SCAI: variants seen among roughly 807,000 people sequenced by gnomAD.
SCAI encodes the protein suppressor of cancer cell invasion.
A neutral mutation model predicts 92.2 loss-of-function variants in SCAI; 24 were observed. The observed-to-expected ratio is 0.26, with a 90% CI of 0.19 to 0.37. The LOEUF (loss-of-function observed/expected upper bound fraction) is 0.37, where lower values mean the gene tolerates loss of function less well. Among genes scored for constraint, SCAI ranks in the 10% least tolerant of loss-of-function variants. The pLI is 1.00. For missense variants in SCAI, 450 were observed against 736.2 expected, an observed-to-expected ratio of 0.61 and a Z score of 4.50; for synonymous variants, 261 against 258.6, an observed-to-expected ratio of 1.01 and a Z score of -0.09.
chr9:125,100,227 CAT>C (rs1834650618), intron 2 of SCAI, among the ~76,000 whole-genome samples: 1 of 152,208 alleles, frequency 6.6e-6, no homozygotes, highest in South Asian at 2.1e-4. Flanking sequence ...CAACTTGCAA[CAT>C]ATATGTCAGA....
intron 14 of SCAI, among the ~76,000 whole-genome samples, chr9:124,978,470 C>G (rs1459095234): frequency 6.6e-6 from 1 of 152,080 alleles, no homozygotes; most frequent in Admixed American, 6.6e-5. Flanking sequence ...ATCAGTTAAG[C>G]AAAATTTCTA....
chr9:125,065,940 C>T, intron 2 of SCAI: 1 of 736,154 alleles, frequency 1.4e-6, no homozygotes, highest in South Asian at 1.6e-5. Context: ...AAGGGAGCTT[C>T]ATTAATTTTA....
In SCAI at chr9:124,944,629, T is replaced by A. The variant is rs1283178630; in HGVS notation, c.*8178A>T. The A allele has an allele frequency of 6.6e-6, 1 of 152,074 alleles. No homozygotes were observed. The highest frequency in any genetic ancestry group is 1.5e-5 in the Non-Finnish European group (1 of 68,020). The allele number at this position is 152,074 out of a possible 1,614,324, so 9.4% of individuals were successfully genotyped here. A position where few individuals can be genotyped will look rare whatever the true frequency, so the allele number is the denominator to read the frequency against. On this transcript the variant is annotated 3_prime_UTR_variant, in exon 18 of 18. Transcript: ENST00000336505. Reference sequence around the variant, plus strand: ...AATTTACCACAGTACATAGTTTTAATTTAGAAAAAAAGCAATTAGTAGCAT... The same window carrying A: ...AATTTACCACAGTACATAGTTTTAAATTAGAAAAAAAGCAATTAGTAGCAT...
intron 9 of SCAI, among the ~76,000 whole-genome samples, chr9:125,008,060 T>G (rs905706318): frequency 4.0e-5 from 6 of 150,616 alleles, no homozygotes; most frequent in African/African-American, 1.5e-4. Context: ...TTAGCCAGGA[T>G]GGTCTCGATC....
intron 14 of SCAI, among the ~76,000 whole-genome samples, chr9:124,984,674 C>T (rs905703406): frequency 6.6e-6 from 1 of 152,090 alleles, no homozygotes; most frequent in African/African-American, 2.4e-5. Context: ...TATGGAAGAG[C>T]CTAGGAATTC....
chr9:125,118,580 T>C (rs1439246174), intron 2 of SCAI, among the ~76,000 whole-genome samples: 1 of 152,230 alleles, frequency 6.6e-6, no homozygotes, highest in East Asian at 1.9e-4. Context: ...GTGTAGAATG[T>C]GCAGGTTTGT....
intron 13 of SCAI, among the ~76,000 whole-genome samples, chr9:124,997,246 C>G (rs577648651): frequency 6.6e-6 from 1 of 152,274 alleles, no homozygotes; most frequent in East Asian, 1.9e-4. Context: ...CATAGTCATG[C>G]AGGTGCACAA....
At chr9:124,965,440 G>A (rs1831521417) in intron 17 of SCAI, among the ~76,000 whole-genome samples, 1 of 152,102 alleles carries the variant, frequency 6.6e-6, no homozygotes, top group African/African-American at 2.4e-5. Context: ...TCACCATATT[G>A]GTCAGGCTGG....
chr9:124,962,790 C>A (rs1233558182), intron 17 of SCAI, among the ~76,000 whole-genome samples: 3 of 150,838 alleles, frequency 2.0e-5, no homozygotes. Context: ...ATTGTTTTTT[C>A]TTTTTCTTTC....
chr9:125,138,621 A>G (rs181192274), intron 2 of SCAI, among the ~76,000 whole-genome samples: 41 of 152,122 alleles, frequency 2.7e-4, no homozygotes, highest in East Asian at 1.2e-3. Context: ...TCACTGTGTT[A>G]GCCAGGATGG....
chr9:125,136,776 T>TG (rs1190503721), intron 2 of SCAI, among the ~76,000 whole-genome samples: 4 of 144,820 alleles, frequency 2.8e-5, no homozygotes, highest in African/African-American at 5.2e-5. Flanking sequence ...CCACTTTTTT[T>TG]TTTTTTTTTT....
At chr9:125,071,721 G>A (rs1833982441) in intron 2 of SCAI, among the ~76,000 whole-genome samples, 1 of 152,102 alleles carries the variant, frequency 6.6e-6, no homozygotes, top group African/African-American at 2.4e-5. Flanking sequence ...AAGTACTGCA[G>A]TGAAAGGGAA....
chr9:125,138,249 C>CTTTTTTTT (rs10570060), intron 2 of SCAI, among the ~76,000 whole-genome samples: 8 of 104,202 alleles, frequency 7.7e-5, no homozygotes, highest in Non-Finnish European at 1.6e-4. Flanking sequence ...ACTATTATTT[C>CTTTTTTTT]TTTTTTTTTT....
At chr9:125,014,520 T>G (rs377456636) in intron 9 of SCAI, among the ~76,000 whole-genome samples, 245 of 151,980 alleles carry the variant, frequency 1.6e-3, no homozygotes, top group African/African-American at 5.7e-3. Context: ...CACTGCTCAA[T>G]GAAATAAAAG....
chr9:125,014,388 C>G (rs904551461), intron 9 of SCAI, among the ~76,000 whole-genome samples: 3 of 152,150 alleles, frequency 2.0e-5, no homozygotes, highest in Non-Finnish European at 4.4e-5. Context: ...ACACCAATAA[C>G]AGAGAAACAG....
chr9:125,044,888 G>A (rs1833403221), intron 3 of SCAI, among the ~76,000 whole-genome samples: 1 of 152,182 alleles, frequency 6.6e-6, no homozygotes, highest in Non-Finnish European at 1.5e-5. Context: ...GAAGCTGCTT[G>A]AGGCACATCT....
chr9:124,960,232 CTATT>C (rs371299416), intron 17 of SCAI, among the ~76,000 whole-genome samples: 43 of 152,144 alleles, frequency 2.8e-4, no homozygotes, highest in African/African-American at 8.4e-4. Flanking sequence ...TATTAGCCAA[CTATT>C]TATTTATTTA....
At chr9:125,035,535 C>T (rs550905674) in intron 3 of SCAI, among the ~76,000 whole-genome samples, 47 of 152,058 alleles carry the variant, frequency 3.1e-4, no homozygotes, top group Non-Finnish European at 5.4e-4. Flanking sequence ...TAATTGTCTA[C>T]ACAATGTTAT....
chr9:124,962,150 C>CTT (rs752939056), intron 17 of SCAI, among the ~76,000 whole-genome samples: 378 of 63,558 alleles, frequency 5.9e-3, no homozygotes, highest in Non-Finnish European at 7.7e-3. Context: ...TAATATATGT[C>CTT]TTTTTTTTTT....
Sources: allele counts gnomAD v4.1 joint callset (sites outside exome capture counted in the v4.1 genomes callset), GRCh38; gene constraint gnomAD v4.1.1; transcripts MANE v1.5; gene names NCBI Gene and HGNC (gene_info 2026-07-23, HGNC 2026-07-21).